ERBB4: variants seen among roughly 807,000 people sequenced by gnomAD.
The protein encoded by ERBB4 is receptor tyrosine-protein kinase erbB-4.
Under a neutral mutation model 158.0 loss-of-function variants are expected in ERBB4, and 42 were observed. The ratio of observed to expected loss-of-function variants is 0.27; its 90% CI spans 0.21 to 0.34. The LOEUF is 0.34. Among genes scored for constraint, ERBB4 ranks in the 10% least tolerant of loss-of-function variants. ERBB4 has a pLI of 1.00. For synonymous variants in ERBB4, 583 were observed against 558.7 expected (o/e 1.04, Z -0.61); for missense variants, 1,333 against 1,624.1 (o/e 0.82, Z 3.08).
chr2:211,960,602 T>G (rs2125172929), intron 2 of ERBB4: 1 of 152,228 alleles, frequency 6.6e-6, no homozygotes, highest in South Asian at 2.1e-4. Flanking sequence ...GCCAGAAATT[T>G]GTTACTCACA....
intron 1 of ERBB4, among the ~76,000 whole-genome samples, chr2:212,475,703 T>A (rs1226974744): frequency 1.3e-5 from 2 of 152,300 alleles, no homozygotes; most frequent in African/African-American, 4.8e-5. Context: ...ATTGTATGAA[T>A]GAATAACATG....
At chr2:211,476,367 A>G (rs1455106668) in intron 20 of ERBB4, among the ~76,000 whole-genome samples, 1 of 152,112 alleles carries the variant, frequency 6.6e-6, no homozygotes, top group Admixed American at 6.6e-5. Context: ...GAGACAAAAG[A>G]GAATCACTGG....
chr2:211,985,968 A>T (rs1170278306), intron 2 of ERBB4, among the ~76,000 whole-genome samples: 1 of 152,194 alleles, frequency 6.6e-6, no homozygotes, highest in East Asian at 1.9e-4. Context: ...GAAATAGCAG[A>T]TCTAATTTGT....
chr2:211,772,856 T>C (rs989881642), intron 4 of ERBB4, among the ~76,000 whole-genome samples: 21 of 67,130 alleles, frequency 3.1e-4, no homozygotes, highest in African/African-American at 8.1e-4. Context: ...TATATATATA[T>C]ATATATATAT....
rs1479778500 is a variant in ERBB4, at chr2:211,455,553, C to T, written c.2488-24453G>A. On this transcript the variant is annotated intron_variant, in intron 20 of 27. Coordinates refer to ENST00000342788, the MANE Select transcript of ERBB4 (RefSeq NM_005235.3). ...AATGTCTATATGCTTACATATAAAA[C>T]CCACATAAATCTCTCATAATTTGGG... Among the ~76,000 whole-genome samples the T allele has an allele frequency of 2.0e-5, 3 of 152,096 alleles. No individual in the cohort carries two copies. In the East Asian group the frequency reaches 5.8e-4, roughly 29 times the overall value.
intron 4 of ERBB4, among the ~76,000 whole-genome samples, chr2:211,776,769 T>C (rs749339755): frequency 9.2e-5 from 14 of 152,174 alleles, no homozygotes; most frequent in Admixed American, 2.0e-4. Context: ...AATTTGAATA[T>C]GGTTGATTTA....
intron 20 of ERBB4, among the ~76,000 whole-genome samples, chr2:211,501,277 A>G (rs377060610): frequency 1.0e-3 from 156 of 151,996 alleles, no homozygotes; most frequent in African/African-American, 3.7e-3. Flanking sequence ...TCTAATATTT[A>G]CTACCACAAT....
chr2:211,792,452 T>C (rs1213709311), intron 3 of ERBB4, among the ~76,000 whole-genome samples: 2 of 151,824 alleles, frequency 1.3e-5, no homozygotes, highest in Admixed American at 1.3e-4. Context: ...AAAACGCATA[T>C]AACTGATAAT....
chr2:211,805,576 T>C (rs2076595192), intron 3 of ERBB4, among the ~76,000 whole-genome samples: 1 of 152,250 alleles, frequency 6.6e-6, no homozygotes, highest in Admixed American at 6.5e-5. Context: ...CCAAACCATG[T>C]CATCTCTTGC....
At chr2:212,165,567 C>A (rs1393217033) in intron 1 of ERBB4, among the ~76,000 whole-genome samples, 6 of 151,802 alleles carry the variant, frequency 4.0e-5, no homozygotes, top group Non-Finnish European at 7.4e-5. Context: ...AAGCTTTTTT[C>A]TTTTCTTTTC....
chr2:212,281,720 G>T (rs1048986135), intron 1 of ERBB4, among the ~76,000 whole-genome samples: 1 of 151,688 alleles, frequency 6.6e-6, no homozygotes, highest in Non-Finnish European at 1.5e-5. Flanking sequence ...AAATAACCTG[G>T]AGCTTAAATT....
At chr2:211,750,449 A>G (rs1421350293) in intron 5 of ERBB4, among the ~76,000 whole-genome samples, 190 bp downstream of exon 5, 1 of 152,184 alleles carries the variant, frequency 6.6e-6, no homozygotes, top group Non-Finnish European at 1.5e-5. Context: ...AAGAAACCTA[A>G]GAATCAATTA....
rs113650693 is a variant in ERBB4 at position 211,428,359 on chromosome 2, T to G, written c.2719+49A>C. The G allele has an allele frequency of 7.2e-6, 7 of 970,070 alleles. No individual in the cohort carries two copies. The African/African-American group carries it at 1.1e-4, about 16-fold the overall frequency. 60.1% of individuals were successfully genotyped at this position (970,070 alleles called of 1,614,324 possible). ...TAAGATATTTCACATGAACTTAACA[T>G]ATGTATTTTTGCTTTACAAGCTTTA... On this transcript the variant is annotated intron_variant, in intron 22 of 27. Transcript: ENST00000342788.
intron 25 of ERBB4, among the ~76,000 whole-genome samples, chr2:211,398,883 G>A (rs1238641828): frequency 6.6e-6 from 1 of 152,158 alleles, no homozygotes; most frequent in Non-Finnish European, 1.5e-5. Flanking sequence ...CAGGCTAAAT[G>A]AAGTCCATTA....
chr2:212,372,703 T>C (rs2090130903), intron 1 of ERBB4, among the ~76,000 whole-genome samples: 1 of 152,116 alleles, frequency 6.6e-6, no homozygotes, highest in African/African-American at 2.4e-5. Flanking sequence ...GAGCCGAGAT[T>C]GCACCACTGC....
chr2:211,629,628 G>A (rs575083475), intron 17 of ERBB4, among the ~76,000 whole-genome samples: 15 of 152,192 alleles, frequency 9.9e-5, no homozygotes, highest in East Asian at 1.9e-4. Flanking sequence ...GAGGCATCAC[G>A]CTACCTGACT....
chr2:212,179,067 G>A (rs1248222403), intron 1 of ERBB4, among the ~76,000 whole-genome samples: 1 of 151,496 alleles, frequency 6.6e-6, no homozygotes. Context: ...TGAAATGAAT[G>A]AAACTTTTAC....
At chr2:211,716,549 G>A (rs368364362) in intron 7 of ERBB4, among the ~76,000 whole-genome samples, 6 of 149,386 alleles carry the variant, frequency 4.0e-5, no homozygotes, top group Non-Finnish European at 7.5e-5. Context: ...GGTGGCGGGC[G>A]CCTGTAGTCC....
chr2:211,812,523 T>C (rs189956842), intron 3 of ERBB4, among the ~76,000 whole-genome samples: 127 of 152,290 alleles, frequency 8.3e-4, no homozygotes, highest in African/African-American at 2.9e-3. Flanking sequence ...AGGCAGTCTG[T>C]CCATTCTCCA....
Sources: gnomAD v4.1 joint callset for allele counts (sites outside exome capture counted in the v4.1 genomes callset) on GRCh38, gnomAD v4.1.1 for gene constraint, MANE v1.5 for transcripts, NCBI Gene and HGNC (gene_info 2026-07-23, HGNC 2026-07-21) for gene names.